OR6B2: variants seen among roughly 807,000 people sequenced by gnomAD.
The protein encoded by OR6B2 is olfactory receptor family 6 subfamily B member 2, also known as olfactory receptor 6B2.
For missense variants in OR6B2, 275 were observed against 386.8 expected (o/e 0.71, Z 2.42); for synonymous variants, 155 against 171.5 (o/e 0.90, Z 0.75).
chr2:240,030,374 G>T lies in OR6B2; in HGVS notation c.56C>A (p.Thr19Lys). The T allele has an allele frequency of 6.2e-7, 1 of 1,606,304 alleles. No homozygotes were observed. The highest frequency in any genetic ancestry group is 8.5e-7 in the Non-Finnish European group (1 of 1,172,834). Residue 19 changes from threonine (T) to lysine (K), a missense_variant, in exon 1 of 1, where the codon ACG (threonine) becomes AAG (lysine). Thr to Lys is a moderately conservative substitution (Grantham distance 78, BLOSUM62 -1). Transcript: ENST00000319423. ...GAGCAGGTACTGCAGCCCTGGGGCC[G>T]TGGGGAGGCCCACCAGGATGAAGGT... The part of the protein sequence containing the change: ...VSTFILVGLP[T>K]APGLQYLLFL...
chr2:240,029,950 G>C lies in OR6B2; in HGVS notation c.480C>G (p.Val160=), dbSNP rs59195786. 2.3e-3 allele frequency: 3,303 copies of C among 1,425,562 alleles called. 51 individuals carry two copies. The African/African-American group carries it at 0.041, about 18-fold the overall frequency. 88.3% of individuals were successfully genotyped at this position (1,425,562 alleles called of 1,614,324 possible). The change falls in exon 1 of 1, where the codon GTC becomes GTG. Residue 160 remains valine (V), a synonymous_variant. Transcript: ENST00000319423. The surrounding 1 kb of genome is among the most constrained non-coding windows in gnomAD (Gnocchi z 5.2). ...VSGFTISMIK[V]CFISSVTFCG... ...AGAACGTGACGCTGGAGATAAAACAGACCTTGATCATGGAGATGGTGAAGC... is the reference window on the plus strand; with the variant it reads ...AGAACGTGACGCTGGAGATAAAACACACCTTGATCATGGAGATGGTGAAGC...
At position 240,030,418 on chromosome 2, in the gene OR6B2, C is replaced by T; in HGVS notation, c.12G>A (p.Glu4=). The change falls in exon 1 of 1, where the codon GAG becomes GAA. Residue 4 remains glutamate, a synonymous_variant. Coordinates refer to ENST00000319423, the MANE Select transcript of OR6B2 (RefSeq NM_001005853.1). Reference sequence around the variant, plus strand: ...TGAAGGTGCTGACCTTGGTGACATTCTCCCCACTCATGCCTCTGTGCTTGG... The same window carrying T: ...TGAAGGTGCTGACCTTGGTGACATTTTCCCCACTCATGCCTCTGTGCTTGG... MSG[E]NVTKVSTFIL... 1.9e-6 allele frequency: 3 copies of T among 1,608,620 alleles called. No individual in the cohort carries two copies. Among genetic ancestry groups the T allele is most frequent in the South Asian group, 1.1e-5 (1 of 90,916 alleles).
chr2:240,029,871 G>A lies in OR6B2; in HGVS notation c.559C>T (p.Leu187=). 1.9e-6 allele frequency: 3 copies of A among 1,576,948 alleles called. No homozygotes were observed. The highest frequency in any genetic ancestry group is 2.6e-6 in the Non-Finnish European group (3 of 1,146,232). Residue 187 remains leucine (L), a synonymous_variant, in exon 1 of 1, where the codon CTG becomes TTG. Transcript: ENST00000319423. The surrounding 1 kb of genome is among the most constrained non-coding windows in gnomAD (Gnocchi z 5.2). The part of the protein sequence containing the change: ...FFCDISPILK[L]ACTDFSTAEL... ...GCAGTGGAGAAGTCCGTGCAGGCCA[G>A]CTTGAGGATGGGGGAAATGTCACAG...
chr2:240,029,705 G>A lies in OR6B2; in HGVS notation c.725C>T (p.Ala242Val), dbSNP rs1335756925. 6.2e-7 allele frequency: 1 copy of A among 1,613,858 alleles called. No individual in the cohort carries two copies. Reference sequence around the variant, plus strand: ...GACGGTGACCACGGTGAGGTGAGAGGCGCAGGTAGAGAAGGCTCTCCAGCA... The same window carrying A: ...GACGGTGACCACGGTGAGGTGAGAGACGCAGGTAGAGAAGGCTCTCCAGCA... ...TGCWRAFSTCASHLTVVTVFY... is the reference protein window; with the variant it reads ...TGCWRAFSTCVSHLTVVTVFY... Residue 242 changes from alanine (A) to valine (V), a missense_variant, in exon 1 of 1, where the codon GCC (alanine) becomes GTC (valine). Ala to Val is a moderately conservative substitution (Grantham distance 64, BLOSUM62 0). Coordinates refer to ENST00000319423, the MANE Select transcript of OR6B2 (RefSeq NM_001005853.1). The surrounding 1 kb of genome is among the most constrained non-coding windows in gnomAD (Gnocchi z 5.2).
Position 240,029,601 on chromosome 2 carries a change from C to T in OR6B2, c.829G>A (p.Val277Met), listed in dbSNP as rs377387199. The T allele has an allele frequency of 5.0e-4, 619 of 1,243,568 alleles. 3 individuals carry two copies. In the South Asian group the frequency reaches 5.1e-3, roughly 10 times the overall value. The allele number at this position is 1,243,568 out of a possible 1,614,324, so 77.0% of individuals were successfully genotyped here. The change falls in exon 1 of 1, where the codon GTG (valine) becomes ATG (methionine). Residue 277 changes from valine to methionine, a missense_variant. Physicochemically the swap from Val to Met is conservative, Grantham distance 21 (BLOSUM62 1). Coordinates refer to ENST00000319423, the MANE Select transcript of OR6B2 (RefSeq NM_001005853.1). The surrounding 1 kb of genome is among the most constrained non-coding windows in gnomAD (Gnocchi z 5.2). ...SQSSNKLISAVYTVVTPIINP... is the reference protein window; with the variant it reads ...SQSSNKLISAMYTVVTPIINP... ...ATTATTGGCGTGACAACAGTGTACA[C>T]GGCAGAGATGAGCTTGTTGGAGCTC...
rs1410751797 is a variant in OR6B2, at chr2:240,030,248, T to C, written c.182A>G (p.Tyr61Cys). Residue 61 changes from tyrosine (Y) to cysteine (C), a missense_variant, in exon 1 of 1, where the codon TAC (tyrosine) becomes TGC (cysteine). Coordinates refer to ENST00000319423, the MANE Select transcript of OR6B2 (RefSeq NM_001005853.1). ...SSTSLHRPMY[Y>C]FLSSMSFLEI... ...CAGGAAAGACATGGAGCTCAGAAAG[T>C]AGTACATGGGCCTGTGGAGGGAGGT... 9 of 1,613,550 alleles carry C rather than the reference T, an allele frequency of 5.6e-6. No homozygotes were observed. Among genetic ancestry groups the C allele is most frequent in the Non-Finnish European group, 7.6e-6 (9 of 1,179,666 alleles).
At position 240,029,692 on chromosome 2, in the gene OR6B2, G is replaced by A. The variant is rs757356113; in HGVS notation, c.738C>T (p.Thr246=). The A allele has an allele frequency of 5.0e-6, 8 of 1,613,786 alleles. No individual in the cohort carries two copies. In the Admixed American group the frequency reaches 5.0e-5, roughly 10 times the overall value. Reference sequence around the variant, plus strand: ...AGGCTGTATAGAAGACGGTGACCACGGTGAGGTGAGAGGCGCAGGTAGAGA... The same window carrying A: ...AGGCTGTATAGAAGACGGTGACCACAGTGAGGTGAGAGGCGCAGGTAGAGA... ...RAFSTCASHL[T]VVTVFYTALL... The change falls in exon 1 of 1, where the codon ACC becomes ACT. Residue 246 remains threonine (T), a synonymous_variant. Coordinates refer to ENST00000319423, the MANE Select transcript of OR6B2 (RefSeq NM_001005853.1). This position sits in a 1 kb window ranked among gnomAD's most constrained non-coding sequence, Gnocchi z 5.2.
rs773089859 is a variant in OR6B2, at chr2:240,030,201, T to C, written c.229A>G (p.Ile77Val). ...AAGCCCTCCAGCATCTTGGGGGTGA[T>C]GTCAGACACGTACCAGATCTCCAGG... ...SFLEIWYVSD[I>V]TPKMLEGFLL... The change falls in exon 1 of 1, where the codon ATC (isoleucine) becomes GTC (valine). Residue 77 changes from isoleucine (I) to valine (V), a missense_variant. Ile to Val is a conservative substitution (Grantham distance 29). Coordinates refer to ENST00000319423, the MANE Select transcript of OR6B2 (RefSeq NM_001005853.1). 2 of 1,613,294 alleles carry C rather than the reference T, an allele frequency of 1.2e-6. No individual in the cohort carries two copies. Among genetic ancestry groups the C allele is most frequent in the Non-Finnish European group, 1.7e-6 (2 of 1,179,404 alleles).
rs770553143 is a variant in OR6B2 at position 240,029,913 on chromosome 2, C to A, written c.517G>T (p.Val173Phe). The A allele has an allele frequency of 1.4e-6, 2 of 1,447,570 alleles. No homozygotes were observed. Among genetic ancestry groups the A allele is most frequent in the African/African-American group, 2.8e-5 (2 of 71,486 alleles). The allele number at this position is 1,447,570 out of a possible 1,614,324, so 89.7% of individuals were successfully genotyped here. ...ISSVTFCGSN[V>F]LNHFFCDISP... ...ATGTCACAGAAGAAGTGGTTCAAGA[C>A]GTTGGAGCCACAGAACGTGACGCTG... Residue 173 changes from valine (V) to phenylalanine (F), a missense_variant, in exon 1 of 1, where the codon GTC (valine) becomes TTC (phenylalanine). By Grantham distance (50) the Val-to-Phe change is conservative (BLOSUM62 -1). Coordinates refer to ENST00000319423, the MANE Select transcript of OR6B2 (RefSeq NM_001005853.1). This position sits in a 1 kb window ranked among gnomAD's most constrained non-coding sequence, Gnocchi z 5.2.
rs770935231 is a variant in OR6B2 at position 240,029,549 on chromosome 2, T to C, written c.881A>G (p.Asn294Ser). ...TTTCAAGGCGTCCTTAAATTCCTTG[T>C]TCCTCAGGCAGTAAATCAAAGGGTT... ...IINPLIYCLR[N>S]KEFKDALKKA... The change falls in exon 1 of 1, where the codon AAC becomes AGC. Residue 294 changes from asparagine (N) to serine (S), a missense_variant. Coordinates refer to ENST00000319423, the MANE Select transcript of OR6B2 (RefSeq NM_001005853.1). This position sits in a 1 kb window ranked among gnomAD's most constrained non-coding sequence, Gnocchi z 5.2. The C allele has an allele frequency of 4.2e-6, 4 of 949,068 alleles. No homozygotes were observed. The Admixed American group carries it at 6.8e-5, about 16-fold the overall frequency. The allele number at this position is 949,068 out of a possible 1,614,324, so 58.8% of individuals were successfully genotyped here.
rs1697971846 is a variant in OR6B2, at chr2:240,030,263, T to C, written c.167A>G (p.His56Arg). 2 of 1,613,656 alleles carry C rather than the reference T, an allele frequency of 1.2e-6. No individual in the cohort carries two copies. The highest frequency in any genetic ancestry group is 1.3e-5 in the African/African-American group (1 of 74,868). Reference sequence around the variant, plus strand: ...GCTCAGAAAGTAGTACATGGGCCTGTGGAGGGAGGTGCTGCTCCAGACGAT... The same window carrying C: ...GCTCAGAAAGTAGTACATGGGCCTGCGGAGGGAGGTGCTGCTCCAGACGAT... ...ILIVWSSTSL[H>R]RPMYYFLSSM... is the part of the protein sequence containing the mutation. The change falls in exon 1 of 1, where the codon CAC becomes CGC. Residue 56 changes from histidine (H) to arginine (R), a missense_variant. By Grantham distance (29) the His-to-Arg change is conservative. Coordinates refer to ENST00000319423, the MANE Select transcript of OR6B2 (RefSeq NM_001005853.1).
Position 240,029,998 on chromosome 2 carries a change from C to A in OR6B2, c.432G>T (p.Leu144=). The A allele has an allele frequency of 7.5e-7, 1 of 1,341,030 alleles. No homozygotes were observed. The highest frequency in any genetic ancestry group is 1.1e-6 in the Non-Finnish European group (1 of 940,782). The allele number at this position is 1,341,030 out of a possible 1,614,324, so 83.1% of individuals were successfully genotyped here. The change falls in exon 1 of 1, where the codon CTG becomes CTT. Residue 144 remains leucine (L), a synonymous_variant. Transcript: ENST00000319423. The surrounding 1 kb of genome is among the most constrained non-coding windows in gnomAD (Gnocchi z 5.2). ...VLVTPGLCLQ[L]VGFSFVSGFT... is the part of the protein sequence containing the mutation. ...AGCCACTCACAAAGGAGAAGCCCACCAGCTGGAGGCACAGCCCCGGGGTCA... is the reference window on the plus strand; with the variant it reads ...AGCCACTCACAAAGGAGAAGCCCACAAGCTGGAGGCACAGCCCCGGGGTCA...
rs893892114 is a variant in OR6B2, at chr2:240,030,246, A to G, written c.184T>C (p.Phe62Leu). The G allele has an allele frequency of 3.1e-6, 5 of 1,613,732 alleles. No homozygotes were observed. The highest frequency in any genetic ancestry group is 4.2e-6 in the Non-Finnish European group (5 of 1,179,764). Residue 62 changes from phenylalanine to leucine, a missense_variant, in exon 1 of 1, where the codon TTT becomes CTT. By Grantham distance (22) the Phe-to-Leu change is conservative. Transcript: ENST00000319423. ...TCCAGGAAAGACATGGAGCTCAGAA[A>G]GTAGTACATGGGCCTGTGGAGGGAG... The part of the protein sequence containing the change: ...STSLHRPMYY[F>L]LSSMSFLEIW...
Position 240,029,695 on chromosome 2 carries a change from G to T in OR6B2, c.735C>A (p.Leu245=). ...CTGTATAGAAGACGGTGACCACGGT[G>T]AGGTGAGAGGCGCAGGTAGAGAAGG... ...WRAFSTCASH[L]TVVTVFYTAL... is the part of the protein sequence containing the mutation. Residue 245 remains leucine, a synonymous_variant, in exon 1 of 1, where the codon CTC becomes CTA. Coordinates refer to ENST00000319423, the MANE Select transcript of OR6B2 (RefSeq NM_001005853.1). The surrounding 1 kb of genome is among the most constrained non-coding windows in gnomAD (Gnocchi z 5.2). 2 of 1,613,942 alleles carry T rather than the reference G, an allele frequency of 1.2e-6. No homozygotes were observed. The highest frequency in any genetic ancestry group is 1.7e-6 in the Non-Finnish European group (2 of 1,179,784).
rs779173534 is a variant in OR6B2 at position 240,030,262 on chromosome 2, G to A, written c.168C>T (p.His56=). ...AGCTCAGAAAGTAGTACATGGGCCTGTGGAGGGAGGTGCTGCTCCAGACGA... is the reference window on the plus strand; with the variant it reads ...AGCTCAGAAAGTAGTACATGGGCCTATGGAGGGAGGTGCTGCTCCAGACGA... ...ILIVWSSTSL[H]RPMYYFLSSM... is the part of the protein sequence containing the mutation. The change falls in exon 1 of 1, where the codon CAC becomes CAT. Residue 56 remains histidine, a synonymous_variant. Coordinates refer to ENST00000319423, the MANE Select transcript of OR6B2 (RefSeq NM_001005853.1). 7 of 1,613,902 alleles carry A rather than the reference G, an allele frequency of 4.3e-6. No individual in the cohort carries two copies. The South Asian group carries it at 5.5e-5, about 13-fold the overall frequency.
chr2:240,029,800 C>A lies in OR6B2; in HGVS notation c.630G>T (p.Pro210=), dbSNP rs371741516. 3.5e-5 allele frequency: 57 copies of A among 1,611,466 alleles called. No homozygotes were observed. Among genetic ancestry groups the A allele is most frequent in the Non-Finnish European group, 3.7e-5 (43 of 1,177,746 alleles). The change falls in exon 1 of 1, where the codon CCG becomes CCT. Residue 210 remains proline, a synonymous_variant. Transcript: ENST00000319423. This position sits in a 1 kb window ranked among gnomAD's most constrained non-coding sequence, Gnocchi z 5.2. ...AATATGACAGTATGGTGGCCAGGAG[C>A]GGAAACACCAGGATGATGAAGGCCA... The part of the protein sequence containing the change: ...FILAFIILVF[P]LLATILSYWH...
chr2:240,029,664 G>A lies in OR6B2; in HGVS notation c.766C>T (p.Leu256Phe), dbSNP rs1028753345. ...TVVTVFYTAL[L>F]FMYVRPQAID... ...GCTTGGGGCCGGACATACATGAAAA[G>A]CAAGGCTGTATAGAAGACGGTGACC... Residue 256 changes from leucine to phenylalanine, a missense_variant, in exon 1 of 1, where the codon CTT (leucine) becomes TTT (phenylalanine). Transcript: ENST00000319423. This position sits in a 1 kb window ranked among gnomAD's most constrained non-coding sequence, Gnocchi z 5.2. 9 of 1,611,972 alleles carry A rather than the reference G, an allele frequency of 5.6e-6. No individual in the cohort carries two copies. The highest frequency in any genetic ancestry group is 3.3e-5 in the South Asian group (3 of 91,028).
At position 240,030,202 on chromosome 2, in the gene OR6B2, G is replaced by A. The variant is rs1040964877; in HGVS notation, c.228C>T (p.Asp76=). 1.2e-6 allele frequency: 2 copies of A among 1,613,186 alleles called. No individual in the cohort carries two copies. The highest frequency in any genetic ancestry group is 2.7e-5 in the African/African-American group (2 of 74,866). The change falls in exon 1 of 1, where the codon GAC becomes GAT. Residue 76 remains aspartate, a synonymous_variant. Transcript: ENST00000319423. ...MSFLEIWYVS[D]ITPKMLEGFL... ...AGCCCTCCAGCATCTTGGGGGTGATGTCAGACACGTACCAGATCTCCAGGA... is the reference window on the plus strand; with the variant it reads ...AGCCCTCCAGCATCTTGGGGGTGATATCAGACACGTACCAGATCTCCAGGA...
Position 240,030,106 on chromosome 2 carries a change from C to T in OR6B2, c.324G>A (p.Val108=), listed in dbSNP as rs778065789. 4.6e-6 allele frequency: 7 copies of T among 1,514,656 alleles called. No individual in the cohort carries two copies. The highest frequency in any genetic ancestry group is 1.1e-5 in the South Asian group (1 of 89,182). The allele number at this position is 1,514,656 out of a possible 1,614,324, so 93.8% of individuals were successfully genotyped here. A position where few individuals can be genotyped will look rare whatever the true frequency, so the allele number is the denominator to read the frequency against. The part of the protein sequence containing the change: ...MTQLYFFSSL[V]CTECVLLASM... ...AGGCCAGAAGCACACACTCGGTGCA[C>T]ACCAGGGAGCTGAAGAAGTAGAGCT... Residue 108 remains valine (V), a synonymous_variant, in exon 1 of 1, where the codon GTG becomes GTA. Transcript: ENST00000319423.
Sources: gnomAD v4.1 joint callset for allele counts on GRCh38, gnomAD v4.1.1 for gene constraint, Gnocchi (gnomAD v3.1) non-coding constraint, MANE v1.5 for transcripts, NCBI Gene and HGNC (gene_info 2026-07-23, HGNC 2026-07-21) for gene names.